BBS9: variants seen among roughly 807,000 people sequenced by gnomAD.
BBS9 encodes the protein protein PTHB1.
A neutral mutation model predicts 117.7 loss-of-function variants in BBS9; 89 were observed. That is an observed-to-expected ratio of 0.76 (90% CI 0.64 to 0.90). The LOEUF (loss-of-function observed/expected upper bound fraction) is 0.90. Ranked by LOEUF, BBS9 falls within the 40% of genes least tolerant of loss-of-function variation. BBS9 has a pLI of 0.00. For synonymous variants in BBS9, 379 were observed against 370.9 expected, an observed-to-expected ratio of 1.02 and a Z score of -0.25; for missense variants, 982 against 1,042.2, an observed-to-expected ratio of 0.94 and a Z score of 0.80.
intron 20 of BBS9, among the ~76,000 whole-genome samples, chr7:33,527,943 A>T (rs1183015693): frequency 4.6e-5 from 7 of 152,220 alleles, no homozygotes; most frequent in Non-Finnish European, 1.0e-4. Flanking sequence ...TTAGAACTAA[A>T]GTACCAAGTT....
chr7:33,624,231 A>G (rs1347204005), intron 21 of BBS9, among the ~76,000 whole-genome samples: 1 of 152,198 alleles, frequency 6.6e-6, no homozygotes, highest in Non-Finnish European at 1.5e-5. Context: ...ATGTAAAATT[A>G]TATATAATAC....
intron 9 of BBS9, among the ~76,000 whole-genome samples, chr7:33,327,836 A>G (rs1356653389): frequency 6.6e-6 from 1 of 152,196 alleles, no homozygotes; most frequent in African/African-American, 2.4e-5. Flanking sequence ...AAGAAAAAGA[A>G]AAGGGAGGGG....
At chr7:33,252,460 A>C (rs1276876317) in intron 5 of BBS9, among the ~76,000 whole-genome samples, 1 of 152,118 alleles carries the variant, frequency 6.6e-6, no homozygotes, top group African/African-American at 2.4e-5. Context: ...TAGGCTTGTT[A>C]AAACCTAGCA....
At chr7:33,226,958 A>G (rs1414450541) in intron 5 of BBS9, among the ~76,000 whole-genome samples, 1 of 152,188 alleles carries the variant, frequency 6.6e-6, no homozygotes, top group East Asian at 1.9e-4. Flanking sequence ...AGTTATGGAG[A>G]TGAATGGTGG....
rs141486390 is a variant in BBS9 at position 33,309,233 on chromosome 7, T to C, written c.1017-27208T>C. Among the ~76,000 whole-genome samples the C allele has an allele frequency of 3.3e-3, 496 of 152,342 alleles. 4 individuals are homozygous for C. The highest frequency in any genetic ancestry group is 0.011 in the African/African-American group (469 of 41,578). On this transcript the variant is annotated intron_variant, in intron 9 of 22. Coordinates refer to ENST00000242067, the MANE Select transcript of BBS9 (RefSeq NM_198428.3). Reference sequence around the variant, plus strand: ...AGAAGATTCTTAGGTGATTCTAATATGCAATAGGATTGAGAATCACTAGCC... The same window carrying C: ...AGAAGATTCTTAGGTGATTCTAATACGCAATAGGATTGAGAATCACTAGCC...
intron 19 of BBS9, among the ~76,000 whole-genome samples, chr7:33,443,210 C>T (rs1836478458): frequency 6.6e-6 from 1 of 152,050 alleles, no homozygotes; most frequent in Non-Finnish European, 1.5e-5. Flanking sequence ...CCAAACCCTT[C>T]AATCCTAACT....
intron 19 of BBS9, among the ~76,000 whole-genome samples, chr7:33,441,290 A>T (rs1047501157): frequency 1.4e-5 from 2 of 146,980 alleles, no homozygotes; most frequent in East Asian, 3.5e-4. Flanking sequence ...CAAAAAAAAA[A>T]AATAAAATAA....
intron 19 of BBS9, among the ~76,000 whole-genome samples, chr7:33,487,736 G>T (rs1843312558): frequency 6.6e-6 from 1 of 152,180 alleles, no homozygotes. Context: ...ATGGTCAGGG[G>T]ATGTGTCTGG....
At chr7:33,518,892 G>A (rs1416792508) in intron 20 of BBS9, among the ~76,000 whole-genome samples, 2 of 152,126 alleles carry the variant, frequency 1.3e-5, no homozygotes, top group African/African-American at 4.8e-5. Context: ...CATTCCAGAT[G>A]CAATTCTAAA....
intron 4 of BBS9, among the ~76,000 whole-genome samples, chr7:33,172,427 AC>A (rs1422996941): frequency 6.6e-6 from 1 of 151,940 alleles, no homozygotes; most frequent in Non-Finnish European, 1.5e-5. Context: ...ACGACTCTAG[AC>A]CTCGTCATGT....
chr7:33,541,616 A>T (rs12667969), intron 21 of BBS9, among the ~76,000 whole-genome samples: 37,407 of 152,216 alleles, frequency 0.25, 5,923 homozygotes, highest in East Asian at 0.44. Flanking sequence ...TTCTTTAATA[A>T]TAAAAATAAC....
chr7:33,264,200 T>G, intron 6 of BBS9, 90 bp from the exon 7 acceptor site: 1 of 649,338 alleles, frequency 1.5e-6, no homozygotes, highest in Non-Finnish European at 2.3e-6. Flanking sequence ...TTATAAAGTT[T>G]ATAGATTATT....
intron 21 of BBS9, among the ~76,000 whole-genome samples, chr7:33,623,809 A>G (rs1419147078): frequency 1.3e-5 from 2 of 152,152 alleles, no homozygotes; most frequent in African/African-American, 4.8e-5. Flanking sequence ...ATAACAACAT[A>G]TTGTTTTAGG....
intron 1 of BBS9, among the ~76,000 whole-genome samples, chr7:33,142,475 A>G (rs1363789799): frequency 6.6e-6 from 1 of 152,234 alleles, no homozygotes; most frequent in Non-Finnish European, 1.5e-5. Flanking sequence ...ATAAAATTGA[A>G]CATCTAACCA....
chr7:33,155,729 AT>A, intron 4 of BBS9, 27 bp downstream of exon 4: 2 of 1,094,808 alleles, frequency 1.8e-6, no homozygotes, highest in Non-Finnish European at 2.7e-6. Context: ...CCAATGTAGA[AT>A]TTATATTACA....
At chr7:33,177,406 T>C (rs1797479529) in intron 4 of BBS9, 72 bp from the exon 5 acceptor site, 3 of 961,206 alleles carry the variant, frequency 3.1e-6, no homozygotes, top group African/African-American at 3.2e-5. Context: ...AGAATCGGAG[T>C]AGTGGATGAG....
chr7:33,409,141 C>T (rs947673007), intron 19 of BBS9, among the ~76,000 whole-genome samples: 14 of 152,086 alleles, frequency 9.2e-5, no homozygotes, highest in Non-Finnish European at 1.9e-4. Context: ...TATTGCCGTG[C>T]AGATGGTCTT....
intron 5 of BBS9, among the ~76,000 whole-genome samples, chr7:33,223,063 C>T (rs1790563972): frequency 6.6e-6 from 1 of 151,810 alleles, no homozygotes; most frequent in Non-Finnish European, 1.5e-5. Flanking sequence ...TCTGATCTTA[C>T]TTCAGGTCCC....
intron 9 of BBS9, among the ~76,000 whole-genome samples, chr7:33,287,307 C>A (rs757963626): frequency 6.6e-6 from 1 of 152,116 alleles, no homozygotes; most frequent in Non-Finnish European, 1.5e-5. Context: ...GTCTTTAACA[C>A]ATCAGGTTTA....
Sources: gnomAD v4.1 joint callset for allele counts (sites outside exome capture counted in the v4.1 genomes callset) on GRCh38, gnomAD v4.1.1 for gene constraint, MANE v1.5 for transcripts, NCBI Gene and HGNC (gene_info 2026-07-23, HGNC 2026-07-21) for gene names.